NTM: variants seen among roughly 807,000 people sequenced by gnomAD.
NTM encodes neurotrimin, also known as IgLON family member 2.
NTM carries 13 observed loss-of-function variants against 42.1 expected under a neutral mutation model. The observed-to-expected ratio is 0.31, with a 90% CI of 0.20 to 0.49. NTM has a LOEUF of 0.49. Ranked by LOEUF, NTM falls within the 20% of genes least tolerant of loss-of-function variation. The probability of loss-of-function intolerance (pLI) is 0.99; values close to 1 mark genes in which losing one functional copy is unlikely to be tolerated. For missense variants in NTM, 373 were observed against 452.8 expected (o/e 0.82, Z 1.60); for synonymous variants, 187 against 179.2 (o/e 1.04, Z -0.35).
At chr11:132,295,117 CTCTCTCTG>C (rs1310421203) in intron 4 of NTM, among the ~76,000 whole-genome samples, 16 of 152,066 alleles carry the variant, frequency 1.1e-4, no homozygotes, top group Non-Finnish European at 1.9e-4. Flanking sequence ...CCCTCTCTCT[CTCTCTCTG>C]TCTCTCTCAC....
chr11:132,001,772 A>G (rs1025090543), intron 2 of NTM, among the ~76,000 whole-genome samples: 1 of 137,702 alleles, frequency 7.3e-6, no homozygotes, highest in Non-Finnish European at 1.5e-5. Flanking sequence ...ATACACACAG[A>G]CAGGCACACA....
chr11:131,789,910 C>G (rs375779866), intron 1 of NTM, among the ~76,000 whole-genome samples: 10 of 138,126 alleles, frequency 7.2e-5, no homozygotes, highest in Non-Finnish European at 1.2e-4. Context: ...GAGCCGAGAT[C>G]GCGCCACTGC....
intron 1 of NTM, among the ~76,000 whole-genome samples, chr11:131,718,724 A>G (rs1403000560): frequency 1.3e-5 from 2 of 151,896 alleles, no homozygotes; most frequent in African/African-American, 4.8e-5. Context: ...CTGGTATTCT[A>G]TTCTGAGCAC....
At chr11:131,435,989 A>G (rs1313280911) in intron 1 of NTM, among the ~76,000 whole-genome samples, 1 of 152,202 alleles carries the variant, frequency 6.6e-6, no homozygotes, top group Non-Finnish European at 1.5e-5. Flanking sequence ...GAGAGTTTTT[A>G]GCATGAAGGG....
chr11:132,134,705 G>GTGTATATATATA (rs1277579004), intron 2 of NTM, among the ~76,000 whole-genome samples: 3 of 75,964 alleles, frequency 3.9e-5, no homozygotes, highest in Admixed American at 1.8e-4. Context: ...GTATTCCATG[G>GTGTATATATATA]TATATATATA....
At chr11:131,864,961 G>C (rs1419506433) in intron 1 of NTM, among the ~76,000 whole-genome samples, 1 of 152,232 alleles carries the variant, frequency 6.6e-6, no homozygotes, top group Non-Finnish European at 1.5e-5. Flanking sequence ...AAAGAGGAAA[G>C]CTTGGCAACC....
chr11:132,195,370 C>T (rs762959429), intron 3 of NTM, among the ~76,000 whole-genome samples: 4 of 151,968 alleles, frequency 2.6e-5, no homozygotes, highest in Non-Finnish European at 5.9e-5. Context: ...GGCCATACTT[C>T]CCAAACCAAT....
Position 131,410,908 on chromosome 11 carries a change from G to A in NTM, c.82+40020G>A, listed in dbSNP as rs150300848. Among the ~76,000 whole-genome samples the A allele has an allele frequency of 2.6e-5, 4 of 152,232 alleles. No individual in the cohort carries two copies. In the East Asian group the frequency reaches 7.7e-4, roughly 29 times the overall value. ...AACCACAGGCATAAATGGGTTAAAA[G>A]CCTCCCAGGATGCCCCATTTTTCCT... is the stretch of plus-strand genomic sequence containing the variant. On this transcript the variant is annotated intron_variant, in intron 1 of 8. Coordinates refer to ENST00000683400, the MANE Select transcript of NTM (RefSeq NM_001352005.2).
intron 1 of NTM, among the ~76,000 whole-genome samples, chr11:131,893,078 C>G (rs1323905064): frequency 2.6e-5 from 4 of 152,190 alleles, no homozygotes. Flanking sequence ...TATAGGAGAA[C>G]AGCATATTCA....
At chr11:131,458,746 GCTGTCTAAA>G (rs1951123041) in intron 1 of NTM, among the ~76,000 whole-genome samples, 1 of 152,222 alleles carries the variant, frequency 6.6e-6, no homozygotes, top group African/African-American at 2.4e-5. Context: ...CATTCCCAGG[GCTGTCTAAA>G]CTGGGTTGTC....
chr11:131,386,917 C>T (rs1364806696), intron 1 of NTM, among the ~76,000 whole-genome samples: 6 of 152,196 alleles, frequency 3.9e-5, no homozygotes, highest in Non-Finnish European at 8.8e-5. Context: ...ATCCAGAGCT[C>T]ACCACTTACT....
intron 1 of NTM, among the ~76,000 whole-genome samples, chr11:131,742,900 C>T (rs1310188426): frequency 2.6e-5 from 4 of 152,130 alleles, no homozygotes; most frequent in Admixed American, 6.5e-5. Context: ...AATGTGGAAA[C>T]GCTTGTCTAC....
Position 131,991,273 on chromosome 11 carries a change from C to G in NTM, c.167+79625C>G, listed in dbSNP as rs1351342236. Among the ~76,000 whole-genome samples the G allele has an allele frequency of 3.3e-5, 5 of 152,114 alleles. No homozygotes were observed. The South Asian group carries it at 8.3e-4, about 25-fold the overall frequency. ...TCTTGTCCCTGCCATAACCATGCAT[C>G]TCTTGCATTGCATAGTTGAGAACAG... On this transcript the variant is annotated intron_variant, in intron 2 of 8. Coordinates refer to ENST00000683400, the MANE Select transcript of NTM (RefSeq NM_001352005.2).
intron 1 of NTM, among the ~76,000 whole-genome samples, chr11:131,774,590 C>T (rs1306186775): frequency 6.6e-6 from 1 of 152,014 alleles, no homozygotes; most frequent in East Asian, 1.9e-4. Context: ...GATTTTTTGG[C>T]TCCAAATATA....
chr11:132,308,209 T>C (rs2095162384), intron 5 of NTM, among the ~76,000 whole-genome samples: 1 of 152,190 alleles, frequency 6.6e-6, no homozygotes, highest in Admixed American at 6.5e-5. Context: ...ATCTCCATAA[T>C]GGGACAAGAA....
chr11:132,214,131 C>G (rs2083386976), intron 4 of NTM, among the ~76,000 whole-genome samples: 1 of 152,204 alleles, frequency 6.6e-6, no homozygotes, highest in African/African-American at 2.4e-5. Context: ...CACATGTGGA[C>G]TGGCCCAAAA....
intron 1 of NTM, among the ~76,000 whole-genome samples, chr11:131,779,772 GA>G (rs1321857079): frequency 6.6e-6 from 1 of 152,144 alleles, no homozygotes; most frequent in East Asian, 1.9e-4. Context: ...AGAGCAATCT[GA>G]AAAGAAAAGC....
intron 1 of NTM, among the ~76,000 whole-genome samples, chr11:131,669,899 A>G (rs2069813493): frequency 6.6e-6 from 1 of 152,162 alleles, no homozygotes; most frequent in African/African-American, 2.4e-5. Flanking sequence ...TTGCCCACAA[A>G]GGGGCCGGAT....
intron 2 of NTM, among the ~76,000 whole-genome samples, chr11:132,096,182 G>T (rs2060961155): frequency 6.6e-6 from 1 of 152,102 alleles, no homozygotes; most frequent in Admixed American, 6.5e-5. Context: ...CCCCTTGAAT[G>T]ATTTTCTTCT....
Sources: gnomAD v4.1 joint callset for allele counts (sites outside exome capture counted in the v4.1 genomes callset) on GRCh38, gnomAD v4.1.1 for gene constraint, MANE v1.5 for transcripts, NCBI Gene and HGNC (gene_info 2026-07-23, HGNC 2026-07-21) for gene names.